Variants in KCTD8 observed in about 807,000 individuals in gnomAD.
KCTD8 encodes the protein potassium channel tetramerization domain containing 8.
A neutral mutation model predicts 31.5 loss-of-function variants in KCTD8; 27 were observed. The observed-to-expected ratio is 0.86, with a 90% CI of 0.63 to 1.18. KCTD8 has a LOEUF of 1.18. Among genes scored for constraint, KCTD8 ranks in the 50% most tolerant of loss-of-function variants. KCTD8 has a pLI of 0.00. For missense variants in KCTD8, 658 were observed against 647.7 expected (o/e 1.02, Z -0.17); for synonymous variants, 290 against 280.0 (o/e 1.04, Z -0.36).
intron 1 of KCTD8, among the ~76,000 whole-genome samples, chr4:44,369,543 C>T (rs545796964): frequency 6.6e-6 from 1 of 152,298 alleles, no homozygotes; most frequent in African/African-American, 2.4e-5. Flanking sequence ...TGGTGGCTCA[C>T]GCCTGTAATC....
At chr4:44,395,836 A>G (rs62306877) in intron 1 of KCTD8, among the ~76,000 whole-genome samples, 2,718 of 151,982 alleles carry the variant, frequency 0.018, 44 homozygotes, top group Non-Finnish European at 0.03. Flanking sequence ...TATCAATCCC[A>G]CTATATAGCA....
intron 1 of KCTD8, among the ~76,000 whole-genome samples, chr4:44,223,536 G>T (rs1714867058): frequency 1.3e-5 from 2 of 151,952 alleles, no homozygotes; most frequent in Non-Finnish European, 2.9e-5. Context: ...TTATCGAATT[G>T]GTTAAAGAAA....
At chr4:44,179,335 G>T (rs967764634) in intron 1 of KCTD8, among the ~76,000 whole-genome samples, 2 of 151,494 alleles carry the variant, frequency 1.3e-5, no homozygotes, top group Non-Finnish European at 2.9e-5. Context: ...AAATGCTTGG[G>T]ATATTTTAGA....
At chr4:44,441,280 G>GTAT (rs1033507005) in intron 1 of KCTD8, among the ~76,000 whole-genome samples, 16 of 151,626 alleles carry the variant, frequency 1.1e-4, no homozygotes, top group Admixed American at 2.6e-4. Flanking sequence ...GAGCCTACAG[G>GTAT]TATTACTGTT....
rs185802647 is a variant in KCTD8 at position 44,236,625 on chromosome 4, T to C, written c.962-61375A>G. On this transcript the variant is annotated intron_variant, in intron 1 of 1. Transcript: ENST00000360029. ...CTCTTCTCCACTTGAGATAATATGTTTAAATCTGCCTGAAAGGTACATATT... is the reference window on the plus strand; with the variant it reads ...CTCTTCTCCACTTGAGATAATATGTCTAAATCTGCCTGAAAGGTACATATT... 8.5e-5 allele frequency among the ~76,000 whole-genome samples: 13 copies of C among 152,328 alleles called. No individual in the cohort carries two copies. The East Asian group carries it at 1.5e-3, about 18-fold the overall frequency.
At chr4:44,302,959 T>C (rs2109393585) in intron 1 of KCTD8, among the ~76,000 whole-genome samples, 1 of 152,294 alleles carries the variant, frequency 6.6e-6, no homozygotes, top group East Asian at 1.9e-4. Flanking sequence ...AGGCCTTTTC[T>C]GCATCTATTG....
At chr4:44,277,850 T>C (rs1716795613) in intron 1 of KCTD8, among the ~76,000 whole-genome samples, 1 of 151,952 alleles carries the variant, frequency 6.6e-6, no homozygotes, top group African/African-American at 2.4e-5. Context: ...GACCAAGATA[T>C]TCCTGATACC....
At chr4:44,226,711 T>C (rs934682652) in intron 1 of KCTD8, among the ~76,000 whole-genome samples, 10 of 152,214 alleles carry the variant, frequency 6.6e-5, no homozygotes, top group Non-Finnish European at 1.5e-4. Flanking sequence ...CCTTGTTTCC[T>C]GACTTTTTAA....
intron 1 of KCTD8, among the ~76,000 whole-genome samples, chr4:44,436,584 T>C (rs2109481242): frequency 6.6e-6 from 1 of 152,184 alleles, no homozygotes; most frequent in South Asian, 2.1e-4. Context: ...AATGGAATAG[T>C]GGTTATGTTT....
chr4:44,175,944 G>A (rs138704984), intron 1 of KCTD8, among the ~76,000 whole-genome samples: 1 of 152,230 alleles, frequency 6.6e-6, no homozygotes, highest in Admixed American at 6.5e-5. Context: ...TACCATTTGA[G>A]GTAAATTACT....
At chr4:44,439,388 T>C (rs2109483085) in intron 1 of KCTD8, among the ~76,000 whole-genome samples, 1 of 152,278 alleles carries the variant, frequency 6.6e-6, no homozygotes, top group East Asian at 1.9e-4. Flanking sequence ...CTGGTTACAA[T>C]ATGGTAGAAA....
rs564797706 is a variant in KCTD8 at position 44,335,073 on chromosome 4, T to C, written c.961+112490A>G. 1.3e-3 allele frequency among the ~76,000 whole-genome samples: 193 copies of C among 152,226 alleles called. 1 individual carries two copies. The highest frequency in any genetic ancestry group is 1.8e-3 in the Non-Finnish European group (122 of 67,966). On this transcript the variant is annotated intron_variant, in intron 1 of 1. Coordinates refer to ENST00000360029, the MANE Select transcript of KCTD8 (RefSeq NM_198353.3). ...TCAAGATTTGATTCTGGCAAAACGT[T>C]TTTTAAATGGTGTAGGTAGAAACCA...
chr4:44,325,039 A>G (rs1227672825), intron 1 of KCTD8, among the ~76,000 whole-genome samples: 1 of 152,012 alleles, frequency 6.6e-6, no homozygotes. Context: ...AATAGGGTGG[A>G]AAGATAATCT....
At chr4:44,392,365 T>G (rs1720396182) in intron 1 of KCTD8, among the ~76,000 whole-genome samples, 1 of 152,008 alleles carries the variant, frequency 6.6e-6, no homozygotes, top group African/African-American at 2.4e-5. Context: ...AAATAAATAT[T>G]AAATAACATA....
At chr4:44,441,756 A>C (rs1721815826) in intron 1 of KCTD8, among the ~76,000 whole-genome samples, 1 of 152,228 alleles carries the variant, frequency 6.6e-6, no homozygotes, top group African/African-American at 2.4e-5. Context: ...TGTTATAAGA[A>C]ATAAACAAAG....
chr4:44,349,032 C>T (rs1394999358), intron 1 of KCTD8, among the ~76,000 whole-genome samples: 1 of 151,964 alleles, frequency 6.6e-6, no homozygotes, highest in East Asian at 1.9e-4. Context: ...TTAAATGATG[C>T]TAATGTCTAT....
chr4:44,311,990 T>C (rs1040937364), intron 1 of KCTD8, among the ~76,000 whole-genome samples: 8 of 151,888 alleles, frequency 5.3e-5, no homozygotes, highest in African/African-American at 1.9e-4. Flanking sequence ...ATCATAATTA[T>C]TTTATAGTGC....
intron 1 of KCTD8, among the ~76,000 whole-genome samples, chr4:44,269,640 A>C (rs897186180): frequency 6.6e-6 from 1 of 152,212 alleles, no homozygotes; most frequent in African/African-American, 2.4e-5. Flanking sequence ...CAACCTACTC[A>C]TCTGAAAAAG....
chr4:44,438,824 C>T (rs1721746574), intron 1 of KCTD8, among the ~76,000 whole-genome samples: 1 of 152,188 alleles, frequency 6.6e-6, no homozygotes, highest in African/African-American at 2.4e-5. Flanking sequence ...CAAAAGCTAA[C>T]ATGTGTTGAG....
Sources: allele counts gnomAD v4.1 joint callset (sites outside exome capture counted in the v4.1 genomes callset), GRCh38; gene constraint gnomAD v4.1.1; transcripts MANE v1.5; gene names NCBI Gene and HGNC (gene_info 2026-07-23, HGNC 2026-07-21).